MEGF10: variants seen among roughly 807,000 people sequenced by gnomAD.
MEGF10 encodes the protein multiple EGF like domains 10, also known as multiple epidermal growth factor-like domains protein 10.
MEGF10 carries 86 observed loss-of-function variants against 147.5 expected under a neutral mutation model. The ratio of observed to expected loss-of-function variants is 0.58; its 90% confidence interval spans 0.49 to 0.70. The LOEUF (loss-of-function observed/expected upper bound fraction) is 0.70, where lower values mean the gene tolerates loss of function less well. Ranked by LOEUF, MEGF10 falls within the 30% of genes least tolerant of loss-of-function variation. The pLI is 0.00. For synonymous variants in MEGF10, 478 were observed against 525.5 expected (o/e 0.91, Z 1.24); for missense variants, 1,329 against 1,487.3 (o/e 0.89, Z 1.75).
At chr5:127,442,295 T>C (rs1765782717) in intron 18 of MEGF10, among the ~76,000 whole-genome samples, 1 of 152,212 alleles carries the variant, frequency 6.6e-6, no homozygotes, top group African/African-American at 2.4e-5. Context: ...CATTGCCCCC[T>C]GCTGCTCACT....
the MEGF10 span, among the ~76,000 whole-genome samples, chr5:127,232,065 A>G: frequency 6.6e-6 from 1 of 152,258 alleles, no homozygotes; most frequent in Non-Finnish European, 1.5e-5. Context: ...AAGCCCGGGA[A>G]GAGAAAGCAG....
chr5:127,250,638 T>G, the MEGF10 span, among the ~76,000 whole-genome samples: 1 of 151,934 alleles, frequency 6.6e-6, no homozygotes, highest in Non-Finnish European at 1.5e-5. Context: ...CTTTTAACCT[T>G]GTAATAGAGG....
the MEGF10 span, among the ~76,000 whole-genome samples, chr5:127,238,791 T>A: frequency 6.6e-6 from 1 of 152,232 alleles, no homozygotes; most frequent in African/African-American, 2.4e-5. Context: ...TTTGTCTGTA[T>A]AAATGATCTG....
At chr5:127,368,597 T>C (rs74382842) in intron 4 of MEGF10, among the ~76,000 whole-genome samples, 2,443 of 152,298 alleles carry the variant, frequency 0.016, 47 homozygotes, top group South Asian at 0.076. Context: ...CCAACAGAAC[T>C]TATTTCATTT....
chr5:127,319,504 C>T (rs537437630), intron 1 of MEGF10, among the ~76,000 whole-genome samples: 2 of 152,216 alleles, frequency 1.3e-5, no homozygotes, highest in Non-Finnish European at 2.9e-5. Context: ...GTTTTAGGTA[C>T]TGAGGATACT....
chr5:127,393,482 G>A (rs1257373822), intron 5 of MEGF10, among the ~76,000 whole-genome samples: 1 of 152,168 alleles, frequency 6.6e-6, no homozygotes, highest in East Asian at 1.9e-4. Flanking sequence ...GGAAGTCACG[G>A]TAATGTCTGA....
the MEGF10 span, among the ~76,000 whole-genome samples, chr5:127,249,359 A>C: frequency 2.7e-5 from 4 of 150,338 alleles, no homozygotes; most frequent in African/African-American, 5.0e-5. Flanking sequence ...GAGAGAGAAG[A>C]AGAAGGAGGA....
At chr5:127,425,708 T>C (rs1262150595) in intron 13 of MEGF10, among the ~76,000 whole-genome samples, 1 of 152,208 alleles carries the variant, frequency 6.6e-6, no homozygotes, top group African/African-American at 2.4e-5. Context: ...AATAATTTTT[T>C]ACCCATAAAA....
At chr5:127,256,160 TC>T in the MEGF10 span, among the ~76,000 whole-genome samples, 7 of 152,188 alleles carry the variant, frequency 4.6e-5, no homozygotes, top group African/African-American at 1.7e-4. Context: ...TTAAAATTAA[TC>T]TGTTAGACCC....
At chr5:127,247,410 GA>G in the MEGF10 span, among the ~76,000 whole-genome samples, 50 of 68,186 alleles carry the variant, frequency 7.3e-4, 5 homozygotes, top group African/African-American at 3.4e-3. Context: ...AGAAGAAGAA[GA>G]AGAAGAAGAA....
chr5:127,244,842 A>C, the MEGF10 span, among the ~76,000 whole-genome samples: 1 of 152,180 alleles, frequency 6.6e-6, no homozygotes, highest in Non-Finnish European at 1.5e-5. Flanking sequence ...TTAAAAAAAC[A>C]AAAAACAAAA....
At chr5:127,380,172 G>A in intron 5 of MEGF10, among the ~76,000 whole-genome samples, 1 of 151,584 alleles carries the variant, frequency 6.6e-6, no homozygotes, top group Non-Finnish European at 1.5e-5. Context: ...TGAATGTCTA[G>A]CACAGTCCTG....
At chr5:127,342,757 A>G (rs1225449984) in intron 4 of MEGF10, among the ~76,000 whole-genome samples, 1 of 152,182 alleles carries the variant, frequency 6.6e-6, no homozygotes, top group Non-Finnish European at 1.5e-5. Flanking sequence ...AACTGCTTGA[A>G]TGGACACCTC....
chr5:127,268,902 C>T, the MEGF10 span, among the ~76,000 whole-genome samples: 4 of 152,204 alleles, frequency 2.6e-5, no homozygotes, highest in African/African-American at 9.6e-5. Flanking sequence ...TCCAGAGGAA[C>T]GATCAGGCAG....
chr5:127,298,924 G>A (rs1759641632), intron 1 of MEGF10, among the ~76,000 whole-genome samples: 2 of 152,288 alleles, frequency 1.3e-5, no homozygotes, highest in Middle Eastern at 3.4e-3. Flanking sequence ...AAGAAAGGAG[G>A]TCAAGGCCTT....
chr5:127,342,746 A>C (rs1490292451), intron 4 of MEGF10, among the ~76,000 whole-genome samples: 1 of 152,136 alleles, frequency 6.6e-6, no homozygotes, highest in African/African-American at 2.4e-5. Flanking sequence ...AGCATCCCCC[A>C]AACTGCTTGA....
the MEGF10 span, among the ~76,000 whole-genome samples, chr5:127,276,453 A>G: frequency 1.3e-5 from 2 of 152,224 alleles, no homozygotes; most frequent in South Asian, 2.1e-4. Flanking sequence ...TGAGATAATT[A>G]TTATAATCTG....
chr5:127,326,984 T>A (rs530163144), intron 1 of MEGF10, among the ~76,000 whole-genome samples: 1 of 152,322 alleles, frequency 6.6e-6, no homozygotes, highest in African/African-American at 2.4e-5. Flanking sequence ...TTATTTCTCT[T>A]TAACTCAATG....
At chr5:127,446,843 A>G (rs1182794049) in intron 20 of MEGF10, among the ~76,000 whole-genome samples, 1 of 152,192 alleles carries the variant, frequency 6.6e-6, no homozygotes, top group Admixed American at 6.5e-5. Context: ...TAAGGCAGGT[A>G]AGCTCTGATT....
Sources: gnomAD v4.1 joint callset for allele counts (sites outside exome capture counted in the v4.1 genomes callset) on GRCh38, gnomAD v4.1.1 for gene constraint, MANE v1.5 for transcripts, NCBI Gene and HGNC (gene_info 2026-07-23, HGNC 2026-07-21) for gene names.